Variants in NEDD4L observed in about 807,000 individuals in gnomAD.
NEDD4L encodes NEDD4 like E3 ubiquitin protein ligase.
A neutral mutation model predicts 148.9 loss-of-function variants in NEDD4L; 54 were observed. That is an observed-to-expected ratio of 0.36 (90% CI 0.29 to 0.45). NEDD4L has a LOEUF of 0.45. Ranked by LOEUF, NEDD4L falls within the 20% of genes least tolerant of loss-of-function variation. NEDD4L has a pLI of 1.00. For missense variants in NEDD4L, 856 were observed against 1,233.8 expected (o/e 0.69, Z 4.59); for synonymous variants, 433 against 440.7 (o/e 0.98, Z 0.22).
chr18:58,107,239 T>A (rs2085121081), intron 1 of NEDD4L, among the ~76,000 whole-genome samples: 1 of 152,144 alleles, frequency 6.6e-6, no homozygotes, highest in South Asian at 2.1e-4. Flanking sequence ...CACTCCGAGG[T>A]ACTGGGGATT....
rs114213659 is a variant in NEDD4L at position 58,207,975 on chromosome 18, G to A, written c.123-37452G>A. Among the ~76,000 whole-genome samples the A allele has an allele frequency of 6.4e-3, 979 of 152,188 alleles. 4 individuals carry two copies. Among genetic ancestry groups the A allele is most frequent in the African/African-American group, 0.023 (948 of 41,512 alleles). On this transcript the variant is annotated intron_variant, in intron 2 of 30. Coordinates refer to ENST00000400345, the MANE Select transcript of NEDD4L (RefSeq NM_001144967.3). ...AGGCTGAGGCAGAGAATCAGGGGGCGGAGGTTGCAGTGAGCCAAGGTCATG... is the reference window on the plus strand; with the variant it reads ...AGGCTGAGGCAGAGAATCAGGGGGCAGAGGTTGCAGTGAGCCAAGGTCATG...
chr18:58,400,116 C>T lies in NEDD4L; in HGVS notation c.*3847C>T, dbSNP rs1426304208. 2 of 152,352 alleles carry T rather than the reference C, an allele frequency of 1.3e-5. No homozygotes were observed. The highest frequency in any genetic ancestry group is 4.8e-5 in the African/African-American group (2 of 41,430). 9.4% of individuals were successfully genotyped at this position (152,352 alleles called of 1,614,324 possible). Reference sequence around the variant, plus strand: ...CTTACCCTGGCCCTGCACCCCTGTACTTAAGAGGGAGAGGTGGGAGGTGCT... The same window carrying T: ...CTTACCCTGGCCCTGCACCCCTGTATTTAAGAGGGAGAGGTGGGAGGTGCT... On this transcript the variant is annotated 3_prime_UTR_variant, in exon 31 of 31. Coordinates refer to ENST00000400345, the MANE Select transcript of NEDD4L (RefSeq NM_001144967.3).
intron 1 of NEDD4L, among the ~76,000 whole-genome samples, chr18:58,049,479 G>A (rs996722854): frequency 6.6e-6 from 1 of 152,184 alleles, no homozygotes; most frequent in African/African-American, 2.4e-5. Context: ...GGTGAATGCT[G>A]ACAGGCCGTT....
intron 5 of NEDD4L, chr18:58,255,626 G>A (rs1301097932): frequency 1.6e-6 from 2 of 1,232,344 alleles, no homozygotes; most frequent in Non-Finnish European, 2.0e-6. Flanking sequence ...AGCCCTCCTG[G>A]CCCCCCTGGT....
intron 1 of NEDD4L, among the ~76,000 whole-genome samples, chr18:58,104,990 G>A (rs749605887): frequency 6.6e-6 from 1 of 152,158 alleles, no homozygotes; most frequent in Non-Finnish European, 1.5e-5. Flanking sequence ...GGAAGTTAGA[G>A]GTGGGATATT....
chr18:58,383,150 A>G, intron 24 of NEDD4L, 96 bp from the exon 25 acceptor site: 1 of 705,896 alleles, frequency 1.4e-6, no homozygotes, highest in Non-Finnish European at 2.5e-6. Flanking sequence ...TTCTGAATAC[A>G]TGTTGTCTTC....
chr18:58,201,637 A>C (rs1202046301), intron 2 of NEDD4L, among the ~76,000 whole-genome samples: 1 of 152,198 alleles, frequency 6.6e-6, no homozygotes, highest in Non-Finnish European at 1.5e-5. Context: ...GTTTATGTTT[A>C]TGTTCTTATT....
rs117274823 is a variant in NEDD4L at position 58,373,053 on chromosome 18, A to G, written c.2257-121A>G. 1,000 of 650,156 alleles carry G rather than the reference A, an allele frequency of 1.5e-3. 1 individual carries two copies. The highest frequency in any genetic ancestry group is 2.7e-3 in the Admixed American group (119 of 43,828). 40.3% of individuals were successfully genotyped at this position (650,156 alleles called of 1,614,324 possible). A position where few individuals can be genotyped will look rare whatever the true frequency, so the allele number is the denominator to read the frequency against. ...GTTTAGGTGGAGCAGGAAACATTGCATTAGTAACATATTTCTTGAGCATTC... is the reference window on the plus strand; with the variant it reads ...GTTTAGGTGGAGCAGGAAACATTGCGTTAGTAACATATTTCTTGAGCATTC... On this transcript the variant is annotated intron_variant, in intron 23 of 30. Coordinates refer to ENST00000400345, the MANE Select transcript of NEDD4L (RefSeq NM_001144967.3).
chr18:58,137,380 A>G (rs952804022), intron 1 of NEDD4L, among the ~76,000 whole-genome samples: 1 of 152,204 alleles, frequency 6.6e-6, no homozygotes, highest in African/African-American at 2.4e-5. Context: ...AAGAACAGGA[A>G]GTTTCTGGAG....
chr18:58,335,598 G>A (rs934625165), intron 13 of NEDD4L, 61 bp downstream of exon 13: 26 of 1,231,426 alleles, frequency 2.1e-5, no homozygotes, highest in South Asian at 3.6e-5. Flanking sequence ...TTAATATTTC[G>A]TGTAGTGGTG....
chr18:58,323,336 T>C lies in NEDD4L; in HGVS notation c.513+2T>C. On this transcript the variant is annotated splice_donor_variant, in intron 8 of 30. Coordinates refer to ENST00000400345, the MANE Select transcript of NEDD4L (RefSeq NM_001144967.3). LOFTEE classifies it high-confidence loss of function. The stretch of plus-strand genomic sequence containing the variant: ...AGTGACCAGAGGGATGACATGGAGG[T>C]ACGTGGAGGGCGTCAGGCCTCTCTC... 1 of 1,537,222 alleles carries C rather than the reference T, an allele frequency of 6.5e-7. No homozygotes were observed. The highest frequency in any genetic ancestry group is 8.9e-7 in the Non-Finnish European group (1 of 1,119,614).
chr18:58,294,169 C>CT (rs1456770473), intron 5 of NEDD4L, among the ~76,000 whole-genome samples: 2 of 152,232 alleles, frequency 1.3e-5, no homozygotes, highest in Non-Finnish European at 2.9e-5. Context: ...ACACATCACA[C>CT]TTTCTGCTTG....
intron 5 of NEDD4L, among the ~76,000 whole-genome samples, chr18:58,280,012 A>G (rs1040753460): frequency 2.6e-5 from 4 of 152,130 alleles, no homozygotes; most frequent in Non-Finnish European, 5.9e-5. Context: ...TCAGCAAACC[A>G]TCTAGTTTAT....
At chr18:58,130,260 T>G in intron 1 of NEDD4L, among the ~76,000 whole-genome samples, 1 of 136,252 alleles carries the variant, frequency 7.3e-6, no homozygotes, top group Non-Finnish European at 1.6e-5. Flanking sequence ...CTCTGGAGTT[T>G]GGTTGTGATC....
intron 1 of NEDD4L, among the ~76,000 whole-genome samples, chr18:58,103,037 A>G (rs1310822459): frequency 6.6e-6 from 1 of 151,934 alleles, no homozygotes; most frequent in African/African-American, 2.4e-5. Flanking sequence ...GCTTATCATG[A>G]CAGTGGCTCG....
At chr18:58,262,395 G>A (rs953145457) in intron 5 of NEDD4L, among the ~76,000 whole-genome samples, 2 of 152,204 alleles carry the variant, frequency 1.3e-5, no homozygotes, top group Non-Finnish European at 2.9e-5. Flanking sequence ...TCCAGAGGCT[G>A]AGGCAGGTAG....
At chr18:58,208,857 C>T (rs2042227419) in intron 2 of NEDD4L, among the ~76,000 whole-genome samples, 1 of 152,122 alleles carries the variant, frequency 6.6e-6, no homozygotes, top group African/African-American at 2.4e-5. Flanking sequence ...CATGAGTGAG[C>T]TCACTGTCGT....
At chr18:58,082,265 G>A (rs1322787881) in intron 1 of NEDD4L, among the ~76,000 whole-genome samples, 13 of 147,808 alleles carry the variant, frequency 8.8e-5, no homozygotes, top group African/African-American at 3.2e-4. Context: ...CTGCCACAAC[G>A]CCCGGCTAAT....
intron 5 of NEDD4L, among the ~76,000 whole-genome samples, chr18:58,291,354 G>T (rs2054736103): frequency 6.6e-6 from 1 of 152,240 alleles, no homozygotes; most frequent in East Asian, 1.9e-4. Flanking sequence ...TGACCACAAG[G>T]ATGCTGGAAA....
Sources: gnomAD v4.1 joint callset for allele counts (sites outside exome capture counted in the v4.1 genomes callset) on GRCh38, gnomAD v4.1.1 for gene constraint, MANE v1.5 for transcripts, NCBI Gene and HGNC (gene_info 2026-07-23, HGNC 2026-07-21) for gene names.